The following MDM1 variants were observed in gnomAD, a reference collection of about 807,000 sequenced individuals.
MDM1 encodes stabilizer of axonemal microtubules 6, also known as Mdm1 nuclear protein.
A neutral mutation model predicts 89.1 loss-of-function variants in MDM1; 61 were observed. The ratio of observed to expected loss-of-function variants is 0.68; its 90% CI spans 0.56 to 0.85. MDM1 has a LOEUF of 0.85. Among genes scored for constraint, MDM1 ranks in the 40% least tolerant of loss-of-function variants. MDM1 has a pLI of 0.00. For missense variants in MDM1, 820 were observed against 846.5 expected, an observed-to-expected ratio of 0.97 and a Z score of 0.39; for synonymous variants, 290 against 294.1, an observed-to-expected ratio of 0.99 and a Z score of 0.14.
chr12:68,325,416 A>C, intron 4 of MDM1, 25 bp downstream of exon 4: 1 of 1,482,744 alleles, frequency 6.7e-7, no homozygotes, highest in Non-Finnish European at 9.0e-7. Flanking sequence ...TGGTACTCAG[A>C]AATGTATTAC....
At chr12:68,330,581 CCTTAT>C (rs1876648168) in intron 2 of MDM1, 1 of 152,836 alleles carries the variant, frequency 6.5e-6, no homozygotes, top group Admixed American at 6.5e-5. Flanking sequence ...GGCTGATTAC[CCTTAT>C]CTTGTCTCCT....
chr12:68,317,247 C>T (rs956392900), intron 7 of MDM1, among the ~76,000 whole-genome samples: 4 of 152,048 alleles, frequency 2.6e-5, no homozygotes, highest in Admixed American at 2.6e-4. Flanking sequence ...CATACTGCCA[C>T]CTGCTGGCTT....
chr12:68,310,345 A>T (rs1204085394), intron 12 of MDM1, among the ~76,000 whole-genome samples: 1 of 152,244 alleles, frequency 6.6e-6, no homozygotes, highest in Non-Finnish European at 1.5e-5. Context: ...AGAGAATGGC[A>T]TTAACATTCT....
intron 13 of MDM1, among the ~76,000 whole-genome samples, chr12:68,300,230 G>T (rs1324907921): frequency 6.6e-6 from 1 of 152,076 alleles, no homozygotes; most frequent in East Asian, 1.9e-4. Flanking sequence ...CAACAAAACA[G>T]AACCTCTGAA....
At position 68,320,524 on chromosome 12, in the gene MDM1, G is replaced by A. The variant is rs1307077867; in HGVS notation, c.1005+823C>T. ...AAAGAACCAGCAGCTCAGCGCACCC[G>A]AGCACCAGCCCCTTCCCCCAGAGGC... On this transcript the variant is annotated intron_variant, in intron 7 of 14. Coordinates refer to ENST00000682720, the MANE Select transcript of MDM1 (RefSeq NM_001354969.2). 3.3e-5 allele frequency among the ~76,000 whole-genome samples: 5 copies of A among 152,156 alleles called. No homozygotes were observed. The South Asian group carries it at 1.0e-3, about 31-fold the overall frequency.
chr12:68,316,536 A>AAGT, intron 8 of MDM1, 45 bp downstream of exon 8: 1 of 1,464,780 alleles, frequency 6.8e-7, no homozygotes, highest in Non-Finnish European at 9.2e-7. Flanking sequence ...GAAATTACAC[A>AAGT]AGTAATCTAT....
chr12:68,331,350 T>A, intron 1 of MDM1, 129 bp from the exon 2 acceptor site: 2 of 670,818 alleles, frequency 3.0e-6, no homozygotes, highest in Non-Finnish European at 5.4e-6. Flanking sequence ...ACAGACGAGC[T>A]CCTTAATAAG....
chr12:68,322,407 C>T (rs1045700508), intron 5 of MDM1, among the ~76,000 whole-genome samples: 35 of 152,094 alleles, frequency 2.3e-4, no homozygotes, highest in Admixed American at 2.1e-3. Context: ...CCAAGGTAGG[C>T]GGATCACCTG....
chr12:68,331,357 T>C, intron 1 of MDM1, 136 bp from the exon 2 acceptor site: 2 of 652,898 alleles, frequency 3.1e-6, no homozygotes, highest in Non-Finnish European at 5.5e-6. Context: ...AGCTCCTTAA[T>C]AAGAGCTAAT....
Position 68,323,235 on chromosome 12 carries a change from GA to G in MDM1, c.638del (p.Phe213SerfsTer32). ...GTGGAACAAACTGGCTTTTATTGTG[GA>G]AAACCTTAAAACAAAAATTATTTTA... ...TAPAFAANQV[F>X]HNKSQFVPPF... On this transcript the variant is annotated frameshift_variant, in exon 5 of 15. Transcript: ENST00000682720. LOFTEE classifies it high-confidence loss of function. 1.3e-6 allele frequency: 2 copies of G among 1,548,580 alleles called. No individual in the cohort carries two copies. The highest frequency in any genetic ancestry group is 1.7e-6 in the Non-Finnish European group (2 of 1,156,334).
intron 7 of MDM1, among the ~76,000 whole-genome samples, chr12:68,318,792 T>C (rs1235864819): frequency 2.6e-5 from 4 of 152,202 alleles, no homozygotes; most frequent in Admixed American, 2.0e-4. Flanking sequence ...TATATTATGA[T>C]ACAATTATAA....
intron 13 of MDM1, among the ~76,000 whole-genome samples, chr12:68,297,565 C>G (rs904041006): frequency 2.0e-5 from 3 of 152,170 alleles, no homozygotes; most frequent in Admixed American, 6.6e-5. Context: ...GAAGACTGAA[C>G]CAGGAAGCTG....
chr12:68,323,379 C>T, intron 4 of MDM1, 139 bp from the exon 5 acceptor site: 1 of 599,298 alleles, frequency 1.7e-6, no homozygotes, highest in Non-Finnish European at 2.8e-6. Context: ...TTTCATTTCA[C>T]ATATATTATT....
At chr12:68,321,290 A>G (rs948561365) in intron 7 of MDM1, 57 bp downstream of exon 7, 3 of 1,337,550 alleles carry the variant, frequency 2.2e-6, no homozygotes, top group African/African-American at 1.5e-5. Flanking sequence ...TTGTGAAATT[A>G]AAGTGTTAAC....
chr12:68,310,839 T>C (rs2120917989), intron 12 of MDM1, among the ~76,000 whole-genome samples: 1 of 152,318 alleles, frequency 6.6e-6, no homozygotes, highest in East Asian at 1.9e-4. Flanking sequence ...ATTTTCAACC[T>C]TTTCTCTGAA....
At chr12:68,299,773 T>C (rs966828265) in intron 13 of MDM1, among the ~76,000 whole-genome samples, 1 of 152,184 alleles carries the variant, frequency 6.6e-6, no homozygotes, top group Non-Finnish European at 1.5e-5. Flanking sequence ...GAGGGAATAA[T>C]TGAGGAAAAC....
At chr12:68,298,023 G>C (rs1016844844) in intron 13 of MDM1, among the ~76,000 whole-genome samples, 1 of 152,110 alleles carries the variant, frequency 6.6e-6, no homozygotes, top group Non-Finnish European at 1.5e-5. Flanking sequence ...CCAGGTGTGA[G>C]AAGCCAGAAT....
chr12:68,315,992 G>T, intron 9 of MDM1, 86 bp downstream of exon 9: 1 of 1,084,706 alleles, frequency 9.2e-7, no homozygotes, highest in South Asian at 2.1e-5. Flanking sequence ...GACACATTTT[G>T]AGTAGTCAGG....
rs755493603 is a variant in MDM1, at chr12:68,295,321, C to A, written c.2108G>T (p.Ser703Ile). The change falls in exon 15 of 15, where the codon AGT (serine) becomes ATT (isoleucine). Residue 703 changes from serine to isoleucine, a missense_variant. By Grantham distance (142) the Ser-to-Ile change is moderately radical (BLOSUM62 -2). Coordinates refer to ENST00000682720, the MANE Select transcript of MDM1 (RefSeq NM_001354969.2). Reference sequence around the variant, plus strand: ...TGCCAGAGTTTGAAAAGCCCGGAGACTAGAAGCTGCAGAGCGAGCAGAAAT... The same window carrying A: ...TGCCAGAGTTTGAAAAGCCCGGAGAATAGAAGCTGCAGAGCGAGCAGAAAT... ...SEISARSAAS[S>I]LRAFQTLARA... 2 of 1,613,368 alleles carry A rather than the reference C, an allele frequency of 1.2e-6. No individual in the cohort carries two copies. Among genetic ancestry groups the A allele is most frequent in the Non-Finnish European group, 1.7e-6 (2 of 1,179,624 alleles).
Sources: gnomAD v4.1 joint callset for allele counts (sites outside exome capture counted in the v4.1 genomes callset) on GRCh38, gnomAD v4.1.1 for gene constraint, MANE v1.5 for transcripts, NCBI Gene and HGNC (gene_info 2026-07-23, HGNC 2026-07-21) for gene names.